Variants in RAB30 observed in about 807,000 individuals in gnomAD.
RAB30 encodes the protein RAB30, member RAS oncogene family.
In RAB30, 9 loss-of-function variants were observed where a neutral mutation model predicts 25.1. The observed-to-expected ratio is 0.36, with a 90% CI of 0.22 to 0.63. The LOEUF is 0.63. Ranked by LOEUF, RAB30 falls within the 20% of genes least tolerant of loss-of-function variation. RAB30 has a pLI of 0.69. For missense variants in RAB30, 140 were observed against 243.5 expected, an observed-to-expected ratio of 0.58 and a Z score of 2.83; for synonymous variants, 77 against 86.4, an observed-to-expected ratio of 0.89 and a Z score of 0.60.
intron 1 of RAB30, among the ~76,000 whole-genome samples, chr11:83,023,722 C>CTGTTTATAA (rs1461327283): frequency 2.6e-5 from 4 of 152,248 alleles, no homozygotes; most frequent in Non-Finnish European, 4.4e-5. Context: ...ACTCTTCAAT[C>CTGTTTATAA]TGTTTATAAT....
rs993781252 is a variant in RAB30 at position 82,973,534 on chromosome 11, A to G, written c.*8631T>C. 1 of 152,262 alleles carries G rather than the reference A, an allele frequency of 6.6e-6. No homozygotes were observed. The highest frequency in any genetic ancestry group is 1.5e-5 in the Non-Finnish European group (1 of 68,048). The allele number at this position is 152,262 out of a possible 1,614,324, so 9.4% of individuals were successfully genotyped here. ...AAATCCTCTATGTGATGGCAACTCA[A>G]TTTCTACAAGACTGAAACAGTCTTC... On this transcript the variant is annotated 3_prime_UTR_variant, in exon 5 of 5. Transcript: ENST00000527633.
Position 83,009,252 on chromosome 11 carries a change from G to C in RAB30, c.-8-11928C>G, listed in dbSNP as rs542395915. Reference sequence around the variant, plus strand: ...GGCTAATTTTCATATTTTTAGTAGAGACTGGGTTTCACCATGTTCGCCAGG... The same window carrying C: ...GGCTAATTTTCATATTTTTAGTAGACACTGGGTTTCACCATGTTCGCCAGG... On this transcript the variant is annotated intron_variant, in intron 1 of 4. Coordinates refer to ENST00000527633, the MANE Select transcript of RAB30 (RefSeq NM_001286060.2). 4.6e-5 allele frequency among the ~76,000 whole-genome samples: 7 copies of C among 152,186 alleles called. No homozygotes were observed. In the South Asian group the frequency reaches 1.5e-3, roughly 32 times the overall value.
At chr11:83,019,381 A>G (rs536633466) in intron 1 of RAB30, among the ~76,000 whole-genome samples, 1 of 152,306 alleles carries the variant, frequency 6.6e-6, no homozygotes, top group African/African-American at 2.4e-5. Flanking sequence ...AAAAGTGAAG[A>G]TGGAAATTAA....
At position 82,975,319 on chromosome 11, in the gene RAB30, A is replaced by AG. The variant is rs1332113381; in HGVS notation, c.*6845dup. On this transcript the variant is annotated 3_prime_UTR_variant, in exon 5 of 5. Coordinates refer to ENST00000527633, the MANE Select transcript of RAB30 (RefSeq NM_001286060.2). ...CAGCTGTTTTTCAAAAGACTTGTCA[A>AG]GTTTTACTATTGTTATTTAATCCAG... The AG allele has an allele frequency of 6.6e-6, 1 of 152,206 alleles. No homozygotes were observed. The highest frequency in any genetic ancestry group is 2.4e-5 in the African/African-American group (1 of 41,462). The allele number at this position is 152,206 out of a possible 1,614,324, so 9.4% of individuals were successfully genotyped here.
intron 1 of RAB30, among the ~76,000 whole-genome samples, chr11:83,065,820 C>T (rs1490199408): frequency 2.0e-5 from 3 of 152,302 alleles, no homozygotes; most frequent in African/African-American, 7.2e-5. Flanking sequence ...GTGAACCTCC[C>T]AACAACCTTA....
At position 82,987,748 on chromosome 11, in the gene RAB30, C is replaced by T; in HGVS notation, c.200G>A (p.Gly67Asp). ...KVKLQIWDTA[G>D]QERFRSITQS... ...GGTAATGGACCGAAATCTCTCTTGA[C>T]CTGCTGTGTCCCAGATCTGTAGCTG... The change falls in exon 4 of 5, where the codon GGT (glycine) becomes GAT (aspartate). Residue 67 changes from glycine (G) to aspartate (D), a missense_variant. Gly to Asp is a moderately conservative substitution (Grantham distance 94, BLOSUM62 -1). Transcript: ENST00000527633. The T allele has an allele frequency of 6.2e-7, 1 of 1,610,610 alleles. No individual in the cohort carries two copies. The highest frequency in any genetic ancestry group is 8.5e-7 in the Non-Finnish European group (1 of 1,177,496).
intron 1 of RAB30, among the ~76,000 whole-genome samples, chr11:83,026,245 G>A (rs1857709908): frequency 6.6e-6 from 1 of 152,104 alleles, no homozygotes; most frequent in African/African-American, 2.4e-5. Context: ...AAAAAATAAG[G>A]CCATAGGGCT....
At chr11:83,069,139 G>C (rs1277864805) in intron 1 of RAB30, among the ~76,000 whole-genome samples, 2 of 152,082 alleles carry the variant, frequency 1.3e-5, no homozygotes, top group African/African-American at 4.8e-5. Flanking sequence ...GAAATGAATA[G>C]TTATTTAAGG....
chr11:83,062,722 C>T (rs925484129), intron 1 of RAB30, among the ~76,000 whole-genome samples: 21 of 152,288 alleles, frequency 1.4e-4, no homozygotes, highest in African/African-American at 5.1e-4. Context: ...GAGGCTCAGC[C>T]AGGCATGGTG....
At chr11:83,036,204 C>T (rs1194828935) in intron 1 of RAB30, among the ~76,000 whole-genome samples, 1 of 150,476 alleles carries the variant, frequency 6.6e-6, no homozygotes, top group East Asian at 2.0e-4. Context: ...TCTCACTCCA[C>T]CTCCCAGGCT....
chr11:83,032,913 A>AATC (rs1857903072), intron 1 of RAB30, among the ~76,000 whole-genome samples: 1 of 152,116 alleles, frequency 6.6e-6, no homozygotes, highest in Admixed American at 6.6e-5. Context: ...TGATAGGAAA[A>AATC]ATCCATTTTT....
At chr11:83,058,631 G>C (rs1014773020) in intron 1 of RAB30, among the ~76,000 whole-genome samples, 1 of 152,202 alleles carries the variant, frequency 6.6e-6, no homozygotes, top group Non-Finnish European at 1.5e-5. Context: ...TCCCATCACT[G>C]GTGTAAACGT....
intron 1 of RAB30, among the ~76,000 whole-genome samples, chr11:83,050,465 A>G (rs998308167): frequency 6.6e-6 from 1 of 152,170 alleles, no homozygotes; most frequent in African/African-American, 2.4e-5. Context: ...GATGATGGAA[A>G]AGGAGGAGAG....
rs1182930476 is a variant in RAB30, at chr11:83,005,821, C to CTAATTGAT, written c.-8-8505_-8-8498dup. ...TGACTGCAATATATATTATTAAGGT[C>CTAATTGAT]TAATTGATTACATGCATAAAAAGTT... On this transcript the variant is annotated intron_variant, in intron 1 of 4. Coordinates refer to ENST00000527633, the MANE Select transcript of RAB30 (RefSeq NM_001286060.2). 5.9e-5 allele frequency among the ~76,000 whole-genome samples: 9 copies of CTAATTGAT among 151,972 alleles called. No homozygotes were observed. In the South Asian group the frequency reaches 1.7e-3, roughly 28 times the overall value.
intron 1 of RAB30, among the ~76,000 whole-genome samples, chr11:83,050,641 T>C (rs1462016029): frequency 3.3e-5 from 5 of 152,250 alleles, no homozygotes; most frequent in Non-Finnish European, 7.3e-5. Context: ...TGTTTTAAAG[T>C]GATGAATATG....
At chr11:83,002,670 C>T (rs962110726) in intron 1 of RAB30, among the ~76,000 whole-genome samples, 16 of 145,996 alleles carry the variant, frequency 1.1e-4, no homozygotes, top group African/African-American at 4.2e-4. Flanking sequence ...CGTGGTGGCT[C>T]ACGCCTGTAA....
At position 82,979,755 on chromosome 11, in the gene RAB30, C is replaced by T. The variant is rs1856607618; in HGVS notation, c.*2410G>A. On this transcript the variant is annotated 3_prime_UTR_variant, in exon 5 of 5. Coordinates refer to ENST00000527633, the MANE Select transcript of RAB30 (RefSeq NM_001286060.2). ...TAAGAAAAAAAGAAACAAAGTCCCA[C>T]ATTCTCATGTGTTCCTGCTGATGGG... 2 of 152,194 alleles carry T rather than the reference C, an allele frequency of 1.3e-5. No individual in the cohort carries two copies. The highest frequency in any genetic ancestry group is 4.8e-5 in the African/African-American group (2 of 41,446). 9.4% of individuals were successfully genotyped at this position (152,194 alleles called of 1,614,324 possible). A position where few individuals can be genotyped will look rare whatever the true frequency, so the allele number is the denominator to read the frequency against.
At chr11:83,042,785 T>G (rs1385097374) in intron 1 of RAB30, among the ~76,000 whole-genome samples, 2 of 152,290 alleles carry the variant, frequency 1.3e-5, no homozygotes, top group East Asian at 3.9e-4. Flanking sequence ...TAGAAATAAT[T>G]ATACAAATTC....
intron 3 of RAB30, 42 bp downstream of exon 3, chr11:82,993,997 C>A: frequency 6.8e-7 from 1 of 1,475,184 alleles, no homozygotes; most frequent in South Asian, 1.2e-5. Flanking sequence ...CCTAACCTCT[C>A]ACATAGCACC....
Sources: gnomAD v4.1 joint callset for allele counts (sites outside exome capture counted in the v4.1 genomes callset) on GRCh38, gnomAD v4.1.1 for gene constraint, MANE v1.5 for transcripts, NCBI Gene and HGNC (gene_info 2026-07-23, HGNC 2026-07-21) for gene names.